Variants in SULF2 observed in about 807,000 individuals in gnomAD.
SULF2 encodes the protein extracellular sulfatase Sulf-2.
SULF2 carries 52 observed loss-of-function variants against 107.7 expected under a neutral mutation model. That is an observed-to-expected ratio of 0.48 (90% CI 0.39 to 0.61). The LOEUF (loss-of-function observed/expected upper bound fraction) is 0.61, where lower values mean the gene tolerates loss of function less well. Ranked by LOEUF, SULF2 falls within the 20% of genes least tolerant of loss-of-function variation. SULF2 has a pLI of 0.00. For missense variants in SULF2, 993 were observed against 1,177.3 expected (o/e 0.84, Z 2.29); for synonymous variants, 460 against 464.3 (o/e 0.99, Z 0.12).
Position 47,678,495 on chromosome 20 carries a change from G to A in SULF2, c.1193+181C>T. 1.6e-6 allele frequency: 1 copy of A among 607,182 alleles called. No homozygotes were observed. The highest frequency in any genetic ancestry group is 2.2e-5 in the South Asian group (1 of 44,780). The allele number at this position is 607,182 out of a possible 1,614,324, so 37.6% of individuals were successfully genotyped here. A position where few individuals can be genotyped will look rare whatever the true frequency, so the allele number is the denominator to read the frequency against. The stretch of plus-strand genomic sequence containing the variant: ...TGGCCACATTCCAGATGGGAAGACA[G>A]AATCTCGGAGAGGGGACCATGCTTC... On this transcript the variant is annotated intron_variant, in intron 8 of 20. Coordinates refer to ENST00000688720, the MANE Select transcript of SULF2 (RefSeq NM_001387048.1). The surrounding 1 kb of genome is among the most constrained non-coding windows in gnomAD (Gnocchi z 4.5).
chr20:47,756,584 A>T (rs1445841400), intron 2 of SULF2, among the ~76,000 whole-genome samples: 1 of 151,340 alleles, frequency 6.6e-6, no homozygotes. Flanking sequence ...GGGATCAATG[A>T]TTGACAGTCT....
intron 17 of SULF2, among the ~76,000 whole-genome samples, chr20:47,662,535 C>G (rs2087111214): frequency 6.6e-6 from 1 of 152,190 alleles, no homozygotes; most frequent in African/African-American, 2.4e-5. Context: ...TGCTGGAGCT[C>G]AGTAGTGACT....
intron 3 of SULF2, among the ~76,000 whole-genome samples, chr20:47,707,477 T>C (rs2088783925): frequency 6.6e-6 from 1 of 152,110 alleles, no homozygotes; most frequent in Non-Finnish European, 1.5e-5. Context: ...CGAGAGACAA[T>C]GGTCCACTAC....
intron 1 of SULF2, among the ~76,000 whole-genome samples, chr20:47,771,923 C>T (rs984612489): frequency 6.6e-6 from 1 of 152,160 alleles, no homozygotes; most frequent in African/African-American, 2.4e-5. Flanking sequence ...CAGGCAGCTC[C>T]CCAGGAAGTT....
chr20:47,704,637 T>G (rs1375772549), intron 3 of SULF2, among the ~76,000 whole-genome samples: 1 of 152,156 alleles, frequency 6.6e-6, no homozygotes, highest in Non-Finnish European at 1.5e-5. Flanking sequence ...AAAATTTGAG[T>G]CTAGAGACAG....
intron 1 of SULF2, among the ~76,000 whole-genome samples, chr20:47,769,336 G>A (rs914214422): frequency 6.6e-6 from 1 of 150,970 alleles, no homozygotes; most frequent in Non-Finnish European, 1.5e-5. Flanking sequence ...CACCGCGCCC[G>A]GCCACACCTG....
At chr20:47,703,396 G>A (rs550638090) in intron 3 of SULF2, among the ~76,000 whole-genome samples, 1 of 152,238 alleles carries the variant, frequency 6.6e-6, no homozygotes, top group African/African-American at 2.4e-5. Flanking sequence ...CTAAGTCTCA[G>A]CTGTAGGTTA....
chr20:47,660,004 A>G (rs548688456), intron 18 of SULF2, among the ~76,000 whole-genome samples: 1 of 152,314 alleles, frequency 6.6e-6, no homozygotes, highest in South Asian at 2.1e-4. Flanking sequence ...GACCTTAGTT[A>G]TGGTGAGGGA....
chr20:47,682,525 C>T (rs1274900115), intron 7 of SULF2, among the ~76,000 whole-genome samples: 1 of 152,160 alleles, frequency 6.6e-6, no homozygotes, highest in Admixed American at 6.5e-5. Flanking sequence ...GGGCTGCGGC[C>T]CACGTGGTCC....
chr20:47,699,415 C>A (rs886743065), intron 4 of SULF2, among the ~76,000 whole-genome samples: 1 of 151,582 alleles, frequency 6.6e-6, no homozygotes, highest in Non-Finnish European at 1.5e-5. Context: ...CTACTGTGTA[C>A]CCCTGAGCAC....
intron 2 of SULF2, among the ~76,000 whole-genome samples, chr20:47,743,509 C>A (rs1568888877): frequency 6.6e-6 from 1 of 152,168 alleles, no homozygotes; most frequent in Non-Finnish European, 1.5e-5. Flanking sequence ...GGGGCTTCAC[C>A]ACGTTGCCCG....
At chr20:47,685,952 G>A (rs1401933247) in intron 5 of SULF2, 3 of 152,168 alleles carry the variant, frequency 2.0e-5, no homozygotes, top group African/African-American at 7.2e-5. Flanking sequence ...GCTGGGGTTC[G>A]AGCCCCAGTT....
rs116190551 is a variant in SULF2, at chr20:47,733,038, T to C, written c.415+3665A>G. ...CTTTTGTCAATCTCCACTGCAAACA[T>C]GGGGCCATGCAAAGCAAGATCACTG... On this transcript the variant is annotated intron_variant, in intron 3 of 20. Coordinates refer to ENST00000688720, the MANE Select transcript of SULF2 (RefSeq NM_001387048.1). Among the ~76,000 whole-genome samples, 511 of 152,300 alleles carry C rather than the reference T, an allele frequency of 3.4e-3. 3 individuals are homozygous for C. The highest frequency in any genetic ancestry group is 0.012 in the African/African-American group (496 of 41,550).
chr20:47,668,714 G>C (rs1338938470), intron 11 of SULF2, among the ~76,000 whole-genome samples: 1 of 152,190 alleles, frequency 6.6e-6, no homozygotes, highest in African/African-American at 2.4e-5. Flanking sequence ...AGCTACTGCA[G>C]GGGGTGGGGA....
chr20:47,659,954 C>T (rs1399640355), intron 18 of SULF2, among the ~76,000 whole-genome samples: 1 of 152,168 alleles, frequency 6.6e-6, no homozygotes, highest in Non-Finnish European at 1.5e-5. Context: ...CCAGTGTCAC[C>T]ATGATCAGTT....
At chr20:47,745,148 G>A (rs1307064455) in intron 2 of SULF2, among the ~76,000 whole-genome samples, 1 of 151,750 alleles carries the variant, frequency 6.6e-6, no homozygotes, top group Non-Finnish European at 1.5e-5. Flanking sequence ...TTAGGTATAA[G>A]GTTTGACTAT....
At chr20:47,729,827 G>A (rs913822890) in intron 3 of SULF2, among the ~76,000 whole-genome samples, 4 of 152,222 alleles carry the variant, frequency 2.6e-5, no homozygotes, top group Admixed American at 2.0e-4. Flanking sequence ...AGGGAAAGAG[G>A]GGCATTGGGC....
chr20:47,735,930 G>A (rs2089718974), intron 3 of SULF2, among the ~76,000 whole-genome samples: 1 of 152,196 alleles, frequency 6.6e-6, no homozygotes, highest in African/African-American at 2.4e-5. Context: ...ACTTCCTGGG[G>A]TTGCAACATC....
chr20:47,714,336 T>C (rs1205979367), intron 3 of SULF2, among the ~76,000 whole-genome samples: 2 of 152,206 alleles, frequency 1.3e-5, no homozygotes, highest in Non-Finnish European at 2.9e-5. Context: ...CTCTTGATTT[T>C]CGCCCTGTGA....
Sources: gnomAD v4.1 joint callset for allele counts (sites outside exome capture counted in the v4.1 genomes callset) on GRCh38, gnomAD v4.1.1 for gene constraint, Gnocchi (gnomAD v3.1) non-coding constraint, MANE v1.5 for transcripts, NCBI Gene and HGNC (gene_info 2026-07-23, HGNC 2026-07-21) for gene names.